The following MARCHF1 variants were observed in gnomAD, a reference collection of about 807,000 sequenced individuals.
The protein encoded by MARCHF1 is E3 ubiquitin-protein ligase MARCHF1.
Under a neutral mutation model 54.2 loss-of-function variants are expected in MARCHF1, and 40 were observed. The observed-to-expected ratio is 0.74, with a 90% CI of 0.57 to 0.96. MARCHF1 has a LOEUF of 0.96. MARCHF1 is among the 40% of genes least tolerant of loss of function. MARCHF1 has a pLI of 0.00. For synonymous variants in MARCHF1, 236 were observed against 236.3 expected (o/e 1.00, Z 0.01); for missense variants, 586 against 656.5 (o/e 0.89, Z 1.17).
At chr4:164,059,082 A>G (rs1273659856) in intron 2 of MARCHF1, among the ~76,000 whole-genome samples, 1 of 152,238 alleles carries the variant, frequency 6.6e-6, no homozygotes, top group Non-Finnish European at 1.5e-5. Context: ...ACATGCACAT[A>G]TGAGCTGGTT....
chr4:163,757,764 T>C (rs939487622), intron 4 of MARCHF1, among the ~76,000 whole-genome samples: 1 of 152,228 alleles, frequency 6.6e-6, no homozygotes, highest in Non-Finnish European at 1.5e-5. Flanking sequence ...TTATTTCATA[T>C]TTGTTTGACT....
chr4:164,281,610 G>C (rs1464632901), intron 1 of MARCHF1, among the ~76,000 whole-genome samples: 1 of 152,146 alleles, frequency 6.6e-6, no homozygotes, highest in Non-Finnish European at 1.5e-5. Context: ...GAGAATTATA[G>C]GGGAACTAAG....
intron 4 of MARCHF1, among the ~76,000 whole-genome samples, chr4:163,802,246 A>G (rs951447882): frequency 1.3e-5 from 2 of 152,152 alleles, no homozygotes; most frequent in Admixed American, 1.3e-4. Flanking sequence ...TATCAAAGCT[A>G]TGACACATTG....
intron 1 of MARCHF1, among the ~76,000 whole-genome samples, chr4:164,160,262 G>A (rs1730195886): frequency 6.6e-6 from 1 of 151,990 alleles, no homozygotes; most frequent in South Asian, 2.1e-4. Context: ...GCAAACCTAG[G>A]TGGCATAATC....
At chr4:163,776,491 TA>T (rs2110887524) in intron 4 of MARCHF1, among the ~76,000 whole-genome samples, 1 of 152,248 alleles carries the variant, frequency 6.6e-6, no homozygotes, top group African/African-American at 2.4e-5. Context: ...TCATCCAAGA[TA>T]AAGCACAATT....
In MARCHF1 at chr4:164,036,140, A is replaced by AG. The variant is rs1192940633; in HGVS notation, c.-247-47432_-247-47431insC. Reference sequence around the variant, plus strand: ...AACAAAAAACAAAAAACAAAAAAAAAAACAATTTTTAATTAACAAAAAAGG... The same window carrying AG: ...AACAAAAAACAAAAAACAAAAAAAAAGAACAATTTTTAATTAACAAAAAAGG... On this transcript the variant is annotated intron_variant, in intron 2 of 9. Coordinates refer to ENST00000514618, the MANE Select transcript of MARCHF1 (RefSeq NM_001394959.1). 2.0e-5 allele frequency among the ~76,000 whole-genome samples: 3 copies of AG among 151,574 alleles called. No individual in the cohort carries two copies. The East Asian group carries it at 5.8e-4, about 29-fold the overall frequency.
At chr4:163,956,182 T>C (rs555542423) in intron 3 of MARCHF1, among the ~76,000 whole-genome samples, 12 of 152,154 alleles carry the variant, frequency 7.9e-5, no homozygotes, top group Non-Finnish European at 1.8e-4. Flanking sequence ...ATAATATTTA[T>C]GTAAATCTAA....
At chr4:164,109,603 T>C (rs1158248098) in intron 2 of MARCHF1, among the ~76,000 whole-genome samples, 1 of 151,806 alleles carries the variant, frequency 6.6e-6, no homozygotes, top group East Asian at 1.9e-4. Context: ...CTTGCACCTT[T>C]CCCACATATT....
At chr4:164,082,031 C>A (rs769049990) in intron 2 of MARCHF1, among the ~76,000 whole-genome samples, 6 of 152,166 alleles carry the variant, frequency 3.9e-5, no homozygotes, top group African/African-American at 2.4e-5. Context: ...GTCTACCTTG[C>A]CAACTCAGGC....
In MARCHF1 at chr4:163,525,416, ATC is replaced by A. The variant is rs1257715148; in HGVS notation, c.*3330_*3331del. 7 of 152,128 alleles carry A rather than the reference ATC, an allele frequency of 4.6e-5. No individual in the cohort carries two copies. The highest frequency in any genetic ancestry group is 1.4e-4 in the African/African-American group (6 of 41,428). The allele number at this position is 152,128 out of a possible 1,614,324, so 9.4% of individuals were successfully genotyped here. ...TGAAAGACTCCTTCAGTCTACACCT[ATC>A]TTCCTTCAGGTTACACATTGCTGTA... On this transcript the variant is annotated 3_prime_UTR_variant, in exon 10 of 10. Coordinates refer to ENST00000514618, the MANE Select transcript of MARCHF1 (RefSeq NM_001394959.1).
intron 7 of MARCHF1, among the ~76,000 whole-genome samples, chr4:163,594,940 C>G (rs1234821557): frequency 6.6e-6 from 1 of 152,142 alleles, no homozygotes; most frequent in Non-Finnish European, 1.5e-5. Flanking sequence ...CGAGCAATCC[C>G]ACGTCTAAGT....
In MARCHF1 at chr4:163,888,380, G is replaced by A. The variant is rs1434923201; in HGVS notation, c.-38-34211C>T. Reference sequence around the variant, plus strand: ...AAATATAAAGCAAATCTCAAAGGCAGCCCTTATAGAATTCTGGTGTGATTG... The same window carrying A: ...AAATATAAAGCAAATCTCAAAGGCAACCCTTATAGAATTCTGGTGTGATTG... On this transcript the variant is annotated intron_variant, in intron 3 of 9. Coordinates refer to ENST00000514618, the MANE Select transcript of MARCHF1 (RefSeq NM_001394959.1). Among the ~76,000 whole-genome samples the A allele has an allele frequency of 2.0e-5, 3 of 152,208 alleles. No homozygotes were observed. In the South Asian group the frequency reaches 6.2e-4, roughly 32 times the overall value.
chr4:164,166,810 T>C (rs1227683936), intron 1 of MARCHF1, among the ~76,000 whole-genome samples: 1 of 151,574 alleles, frequency 6.6e-6, no homozygotes, highest in Non-Finnish European at 1.5e-5. Flanking sequence ...TCAGGATACA[T>C]CAACCTACAA....
intron 1 of MARCHF1, among the ~76,000 whole-genome samples, chr4:164,367,652 T>TACCTTTATTTTCTTTTTC (rs1020453948): frequency 6.6e-6 from 1 of 151,958 alleles, no homozygotes; most frequent in Non-Finnish European, 1.5e-5. Flanking sequence ...CCTTCTTTTT[T>TACCTTTATTTTCTTTTTC]ACCTTTATTT....
At chr4:163,650,556 T>G (rs1359962512) in intron 5 of MARCHF1, among the ~76,000 whole-genome samples, 1 of 152,002 alleles carries the variant, frequency 6.6e-6, no homozygotes, top group Non-Finnish European at 1.5e-5. Context: ...AGGTGTAAAG[T>G]GTCATAGTAC....
intron 5 of MARCHF1, among the ~76,000 whole-genome samples, chr4:163,700,570 AAGG>A (rs1744780642): frequency 6.6e-6 from 1 of 151,054 alleles, no homozygotes; most frequent in African/African-American, 2.4e-5. Context: ...GGAAGGAAGG[AAGG>A]AAGGAAGGAA....
At chr4:163,899,100 G>A (rs1460173039) in intron 3 of MARCHF1, among the ~76,000 whole-genome samples, 1 of 152,092 alleles carries the variant, frequency 6.6e-6, no homozygotes, top group Non-Finnish European at 1.5e-5. Flanking sequence ...TACCTGCACT[G>A]GAAGCTCTAT....
intron 1 of MARCHF1, among the ~76,000 whole-genome samples, chr4:164,120,277 A>T (rs1338097688): frequency 2.6e-5 from 4 of 152,094 alleles, no homozygotes; most frequent in African/African-American, 9.7e-5. Context: ...ACTCAGCAAG[A>T]TAATCTAACA....
At chr4:163,615,200 T>A (rs7680990) in intron 5 of MARCHF1, among the ~76,000 whole-genome samples, 7 of 151,994 alleles carry the variant, frequency 4.6e-5, no homozygotes, top group African/African-American at 1.2e-4. Context: ...GGAGGTGGGG[T>A]GATCCCTATG....
Sources: allele counts gnomAD v4.1 joint callset (sites outside exome capture counted in the v4.1 genomes callset), GRCh38; gene constraint gnomAD v4.1.1; transcripts MANE v1.5; gene names NCBI Gene and HGNC (gene_info 2026-07-23, HGNC 2026-07-21).